Variants in ECT2L observed in about 807,000 individuals in gnomAD.
ECT2L encodes epithelial cell-transforming sequence 2 oncogene-like.
A neutral mutation model predicts 122.8 loss-of-function variants in ECT2L; 126 were observed. The observed-to-expected ratio is 1.03, with a 90% confidence interval of 0.89 to 1.19. The LOEUF (loss-of-function observed/expected upper bound fraction) is 1.19. ECT2L is among the 50% of genes most tolerant of loss of function. The pLI, the probability that ECT2L is intolerant of heterozygous loss-of-function variation, is 0.00. For synonymous variants in ECT2L, 385 were observed against 381.8 expected, an observed-to-expected ratio of 1.01 and a Z score of -0.10; for missense variants, 1,012 against 1,064.1, an observed-to-expected ratio of 0.95 and a Z score of 0.68.
At chr6:138,838,260 C>T in intron 4 of ECT2L, 92 bp from the exon 5 acceptor site, 1 of 1,153,792 alleles carries the variant, frequency 8.7e-7, no homozygotes, top group Non-Finnish European at 1.2e-6. Context: ...ATAGGTAGAA[C>T]ATTGGAGGAA....
At chr6:138,887,018 T>A in intron 19 of ECT2L, 96 bp downstream of exon 19, 2 of 980,670 alleles carry the variant, frequency 2.0e-6, no homozygotes, top group Non-Finnish European at 3.2e-6. Flanking sequence ...GCAGCTAGTA[T>A]TTGTGGAATG....
chr6:138,876,677 A>G (rs1047147339), intron 14 of ECT2L, 119 bp downstream of exon 14: 20 of 599,874 alleles, frequency 3.3e-5, no homozygotes, highest in Non-Finnish European at 5.5e-5. Context: ...GATTAAAAAA[A>G]AAAAACCTCA....
chr6:138,892,661 T>C (rs530983105), intron 20 of ECT2L, among the ~76,000 whole-genome samples: 1 of 152,182 alleles, frequency 6.6e-6, no homozygotes, highest in African/African-American at 2.4e-5. Flanking sequence ...GTCTGGCTAA[T>C]TTTTGTATTT....
intron 4 of ECT2L, among the ~76,000 whole-genome samples, chr6:138,822,103 A>G (rs1398836792): frequency 1.3e-5 from 2 of 152,262 alleles, no homozygotes; most frequent in African/African-American, 4.8e-5. Context: ...AACTAATACA[A>G]GCAGTGATTT....
At chr6:138,837,561 C>T (rs753136974) in intron 4 of ECT2L, among the ~76,000 whole-genome samples, 8 of 150,806 alleles carry the variant, frequency 5.3e-5, no homozygotes, top group African/African-American at 1.5e-4. Flanking sequence ...GTGTTAGGTC[C>T]AGTGGGGAAG....
At chr6:138,834,916 C>CACACAA (rs1776769929) in intron 4 of ECT2L, among the ~76,000 whole-genome samples, 1 of 132,416 alleles carries the variant, frequency 7.6e-6, no homozygotes, top group Admixed American at 7.4e-5. Flanking sequence ...CACACACACA[C>CACACAA]ACACACACAC....
At chr6:138,813,455 T>A in intron 3 of ECT2L, 115 bp downstream of exon 3, 1 of 800,654 alleles carries the variant, frequency 1.2e-6, no homozygotes, top group South Asian at 2.0e-5. Flanking sequence ...AGAATTTAGC[T>A]TTTCAGTTTA....
chr6:138,836,715 C>A (rs778378339), intron 4 of ECT2L, among the ~76,000 whole-genome samples: 6 of 151,896 alleles, frequency 4.0e-5, no homozygotes, highest in Non-Finnish European at 7.4e-5. Flanking sequence ...TTTATTTATT[C>A]ATTCATGGGT....
intron 1 of ECT2L, among the ~76,000 whole-genome samples, chr6:138,798,148 A>C (rs1775406946): frequency 6.6e-6 from 1 of 152,232 alleles, no homozygotes; most frequent in Non-Finnish European, 1.5e-5. Context: ...ATGTTCAGCT[A>C]TCCCAAAGAT....
At chr6:138,859,095 T>C (rs989705870) in intron 10 of ECT2L, among the ~76,000 whole-genome samples, 9 of 152,206 alleles carry the variant, frequency 5.9e-5, no homozygotes, top group Non-Finnish European at 1.0e-4. Flanking sequence ...CTTCTCTGTA[T>C]TGTTCCAATT....
chr6:138,879,464 T>G (rs1427514447), intron 14 of ECT2L: 1 of 152,236 alleles, frequency 6.6e-6, no homozygotes, highest in Non-Finnish European at 1.5e-5. Context: ...ACATTATGTT[T>G]TTGAAATTTA....
chr6:138,838,956 A>G (rs1583575929), intron 5 of ECT2L, among the ~76,000 whole-genome samples: 2 of 152,108 alleles, frequency 1.3e-5, no homozygotes, highest in East Asian at 3.9e-4. Flanking sequence ...TAATTTTTGT[A>G]TTTTTAGTAG....
intron 10 of ECT2L, among the ~76,000 whole-genome samples, chr6:138,861,355 A>G (rs987269517): frequency 3.9e-5 from 6 of 152,204 alleles, no homozygotes; most frequent in Admixed American, 6.5e-5. Flanking sequence ...ACAATGGAAA[A>G]GTATTCCTAT....
chr6:138,806,944 GTAAAC>G (rs1314179835), intron 1 of ECT2L, among the ~76,000 whole-genome samples: 1 of 151,946 alleles, frequency 6.6e-6, no homozygotes, highest in Non-Finnish European at 1.5e-5. Context: ...TCTCAAGAAA[GTAAAC>G]TAGAGAAAAA....
chr6:138,856,350 G>A (rs915258115), intron 10 of ECT2L, among the ~76,000 whole-genome samples: 6 of 152,186 alleles, frequency 3.9e-5, no homozygotes, highest in Non-Finnish European at 5.9e-5. Flanking sequence ...AAGTAGCTGG[G>A]ACTACAGGCA....
In ECT2L at chr6:138,865,119, G is replaced by T. The variant is rs1777983186; in HGVS notation, c.1415G>T (p.Arg472Met). ...CTAGAAGAAACCTTGAAAACAGTAA[G>T]GAAGCAGCTGTATCCTTTCTTCAAG... Reference protein sequence around the residue: ...DFLEETLKTVRKQLYPFFKEL... With the variant: ...DFLEETLKTVMKQLYPFFKEL... The change falls in exon 12 of 22, where the codon AGG (arginine) becomes ATG (methionine). Residue 472 changes from arginine (R) to methionine (M), a missense_variant. Coordinates refer to ENST00000541398, the MANE Select transcript of ECT2L (RefSeq NM_001077706.3). The T allele has an allele frequency of 6.2e-7, 1 of 1,614,000 alleles. No individual in the cohort carries two copies. The highest frequency in any genetic ancestry group is 8.5e-7 in the Non-Finnish European group (1 of 1,179,956).
intron 1 of ECT2L, among the ~76,000 whole-genome samples, chr6:138,806,820 G>A (rs1375496744): frequency 6.6e-6 from 1 of 151,614 alleles, no homozygotes; most frequent in African/African-American, 2.4e-5. Flanking sequence ...GCCACGCATA[G>A]CTTTTGACCT....
rs1379284990 is a variant in ECT2L at position 138,902,487 on chromosome 6, A to C, written c.2588-13A>C. 6.2e-7 allele frequency: 1 copy of C among 1,609,880 alleles called. No homozygotes were observed. The highest frequency in any genetic ancestry group is 1.1e-5 in the South Asian group (1 of 90,164). ...TGCAAAGATTAATTAGTATACCTCAAATGCTTTTACAGATGTCAAGAATGC... is the reference window on the plus strand; with the variant it reads ...TGCAAAGATTAATTAGTATACCTCACATGCTTTTACAGATGTCAAGAATGC... On this transcript the variant is annotated splice_polypyrimidine_tract_variant and intron_variant, in intron 21 of 21. Transcript: ENST00000541398.
chr6:138,821,077 T>A (rs1776253018), intron 4 of ECT2L, among the ~76,000 whole-genome samples: 1 of 152,202 alleles, frequency 6.6e-6, no homozygotes, highest in African/African-American at 2.4e-5. Flanking sequence ...CAAGGCTTCT[T>A]CCATTTCTTG....
Sources: gnomAD v4.1 joint callset for allele counts (sites outside exome capture counted in the v4.1 genomes callset) on GRCh38, gnomAD v4.1.1 for gene constraint, MANE v1.5 for transcripts, NCBI Gene and HGNC (gene_info 2026-07-23, HGNC 2026-07-21) for gene names.